The following GPC5 variants were observed in gnomAD, a reference collection of about 807,000 sequenced individuals.
GPC5 encodes glypican-5.
GPC5 carries 47 observed loss-of-function variants against 53.9 expected under a neutral mutation model. The observed-to-expected ratio is 0.87, with a 90% CI of 0.69 to 1.11. GPC5 has a LOEUF of 1.11. GPC5 is among the 50% of genes most tolerant of loss of function. GPC5 has a pLI of 0.00. For synonymous variants in GPC5, 286 were observed against 263.3 expected, an observed-to-expected ratio of 1.09 and a Z score of -0.84; for missense variants, 748 against 713.1, an observed-to-expected ratio of 1.05 and a Z score of -0.56.
chr13:92,673,365 T>C (rs1402786608), intron 7 of GPC5, among the ~76,000 whole-genome samples: 1 of 151,446 alleles, frequency 6.6e-6, no homozygotes, highest in African/African-American at 2.4e-5. Flanking sequence ...CATTGCAACC[T>C]CCACCTCCCA....
intron 7 of GPC5, chr13:92,490,195 A>G (rs1879710677): frequency 1.9e-5 from 3 of 154,462 alleles, no homozygotes. Flanking sequence ...GTTGCTTTTA[A>G]TGGTAAAACC....
intron 2 of GPC5, among the ~76,000 whole-genome samples, chr13:91,578,113 G>T (rs534281342): frequency 1.3e-5 from 2 of 152,136 alleles, no homozygotes; most frequent in South Asian, 2.1e-4. Context: ...ATGTATCCAG[G>T]GACCAAAGCT....
At chr13:91,479,983 G>A (rs370049589) in intron 2 of GPC5, among the ~76,000 whole-genome samples, 1 of 152,156 alleles carries the variant, frequency 6.6e-6, no homozygotes, top group Non-Finnish European at 1.5e-5. Context: ...TTAGAAATAA[G>A]TATAGTTTTT....
chr13:91,427,384 GACC>G (rs1251107400), intron 1 of GPC5, among the ~76,000 whole-genome samples: 3 of 152,220 alleles, frequency 2.0e-5, no homozygotes, highest in Admixed American at 6.5e-5. Flanking sequence ...GCATCAGTGT[GACC>G]TTGATGTGAG....
At chr13:91,955,579 G>C (rs1450041297) in intron 6 of GPC5, among the ~76,000 whole-genome samples, 2 of 152,196 alleles carry the variant, frequency 1.3e-5, no homozygotes, top group Admixed American at 6.5e-5. Context: ...CCCCAACTTA[G>C]GGAAAGGGTA....
intron 7 of GPC5, among the ~76,000 whole-genome samples, chr13:92,591,620 T>C (rs1481040515): frequency 6.6e-6 from 1 of 152,142 alleles, no homozygotes; most frequent in African/African-American, 2.4e-5. Flanking sequence ...TCCACTCTCT[T>C]AGCATTTTTC....
chr13:92,094,213 GT>G, intron 6 of GPC5, among the ~76,000 whole-genome samples: 1 of 152,186 alleles, frequency 6.6e-6, no homozygotes, highest in Non-Finnish European at 1.5e-5. Flanking sequence ...TCCTAAAGTT[GT>G]AAATATTTAA....
chr13:92,565,129 T>C (rs2139034289), intron 7 of GPC5, among the ~76,000 whole-genome samples: 1 of 152,202 alleles, frequency 6.6e-6, no homozygotes, highest in African/African-American at 2.4e-5. Flanking sequence ...AAAGTATTTG[T>C]CAATTAAGCA....
At chr13:92,745,513 T>A (rs569681088) in intron 7 of GPC5, among the ~76,000 whole-genome samples, 1 of 152,118 alleles carries the variant, frequency 6.6e-6, no homozygotes, top group Non-Finnish European at 1.5e-5. Flanking sequence ...ATACTTGGCA[T>A]TGTTCTGAAA....
At chr13:92,840,155 G>T (rs975603316) in intron 7 of GPC5, among the ~76,000 whole-genome samples, 6 of 138,678 alleles carry the variant, frequency 4.3e-5, no homozygotes, top group African/African-American at 1.6e-4. Flanking sequence ...TTTTTTGACC[G>T]ACATATTTCA....
intron 7 of GPC5, among the ~76,000 whole-genome samples, chr13:92,450,179 T>C (rs1878002122): frequency 6.6e-6 from 1 of 152,096 alleles, no homozygotes; most frequent in African/African-American, 2.4e-5. Context: ...AGAAGATATA[T>C]ATATTCACTG....
chr13:92,396,748 A>C (rs1412811480), intron 7 of GPC5, among the ~76,000 whole-genome samples: 1 of 152,190 alleles, frequency 6.6e-6, no homozygotes, highest in Admixed American at 6.5e-5. Flanking sequence ...ATTAGTGGGA[A>C]GCTAAGCATT....
At chr13:92,424,960 G>C (rs893766571) in intron 7 of GPC5, among the ~76,000 whole-genome samples, 7 of 152,040 alleles carry the variant, frequency 4.6e-5, no homozygotes, top group African/African-American at 1.7e-4. Flanking sequence ...GAGTATTTCT[G>C]TCTTGATAGG....
At chr13:92,381,980 ATCTAT>A (rs2043751934) in intron 7 of GPC5, among the ~76,000 whole-genome samples, 1 of 141,042 alleles carries the variant, frequency 7.1e-6, no homozygotes, top group African/African-American at 2.6e-5. Flanking sequence ...CTATCTATCT[ATCTAT>A]CTATCTATCT....
At chr13:92,752,905 G>T (rs1874648310) in intron 7 of GPC5, among the ~76,000 whole-genome samples, 1 of 152,194 alleles carries the variant, frequency 6.6e-6, no homozygotes, top group Non-Finnish European at 1.5e-5. Flanking sequence ...CGGCAGTGAG[G>T]CTGGGGGAGG....
At chr13:92,101,885 A>G (rs977032300) in intron 6 of GPC5, among the ~76,000 whole-genome samples, 13 of 152,344 alleles carry the variant, frequency 8.5e-5, no homozygotes, top group African/African-American at 3.1e-4. Flanking sequence ...TAAATCAACA[A>G]CTTTAAAATA....
intron 7 of GPC5, among the ~76,000 whole-genome samples, chr13:92,334,679 A>G (rs962359316): frequency 1.3e-5 from 2 of 152,172 alleles, no homozygotes; most frequent in African/African-American, 4.8e-5. Flanking sequence ...CCTAGACACA[A>G]TGGGAGTACA....
chr13:92,168,942 G>C (rs2042050277), intron 7 of GPC5, among the ~76,000 whole-genome samples: 2 of 152,038 alleles, frequency 1.3e-5, no homozygotes. Context: ...CACCCCAACA[G>C]TTATAGACCG....
At chr13:92,653,184 T>C (rs1484619725) in intron 7 of GPC5, among the ~76,000 whole-genome samples, 1 of 152,124 alleles carries the variant, frequency 6.6e-6, no homozygotes, top group Non-Finnish European at 1.5e-5. Context: ...CTCAGAAGGA[T>C]AGGGTGAATA....
Sources: allele counts gnomAD v4.1 joint callset (sites outside exome capture counted in the v4.1 genomes callset), GRCh38; gene constraint gnomAD v4.1.1; transcripts MANE v1.5; gene names NCBI Gene and HGNC (gene_info 2026-07-23, HGNC 2026-07-21).